Variants in TACC2 observed in about 807,000 individuals in gnomAD.
TACC2 encodes the protein transforming acidic coiled-coil containing protein 2, also known as transforming acidic coiled-coil-containing protein 2.
Under a neutral mutation model 227.3 loss-of-function variants are expected in TACC2, and 137 were observed. That is an observed-to-expected ratio of 0.60 (90% confidence interval 0.52 to 0.69). The LOEUF is 0.69. TACC2 is among the 30% of genes least tolerant of loss of function. The pLI, the probability that TACC2 is intolerant of heterozygous loss-of-function variation, is 0.00. For synonymous variants in TACC2, 1,523 were observed against 1,487.5 expected (o/e 1.02, Z -0.55); for missense variants, 3,470 against 3,694.4 (o/e 0.94, Z 1.57).
chr10:122,000,915 T>C (rs890586203), intron 1 of TACC2, among the ~76,000 whole-genome samples: 1 of 152,164 alleles, frequency 6.6e-6, no homozygotes, highest in Non-Finnish European at 1.5e-5. Context: ...CTCCACCTCC[T>C]GGGCTCAAGC....
At chr10:122,092,335 T>G (rs940458751) in intron 5 of TACC2, among the ~76,000 whole-genome samples, 26 of 152,220 alleles carry the variant, frequency 1.7e-4, no homozygotes, top group African/African-American at 5.8e-4. Context: ...AGTATCTTTG[T>G]GTACCATATT....
intron 5 of TACC2, among the ~76,000 whole-genome samples, chr10:122,092,063 G>GT (rs2080883074): frequency 6.6e-6 from 1 of 152,194 alleles, no homozygotes; most frequent in Non-Finnish European, 1.5e-5. Context: ...ATTCCCTGTT[G>GT]TTTTGTGATG....
At chr10:122,248,541 C>A in intron 19 of TACC2, 102 bp from the exon 20 acceptor site, 1 of 1,369,282 alleles carries the variant, frequency 7.3e-7, no homozygotes, top group Non-Finnish European at 1.0e-6. Flanking sequence ...TTGAGATGCC[C>A]CCACTGGTGA....
intron 5 of TACC2, among the ~76,000 whole-genome samples, chr10:122,091,262 A>AG (rs2080787373): frequency 6.6e-6 from 1 of 152,116 alleles, no homozygotes; most frequent in South Asian, 2.1e-4. Context: ...ATGAAAAAAA[A>AG]AGAAAATACA....
chr10:122,037,930 G>C (rs897041899), intron 2 of TACC2, among the ~76,000 whole-genome samples: 1 of 151,342 alleles, frequency 6.6e-6, no homozygotes, highest in East Asian at 1.9e-4. Context: ...TTGTTTGTTT[G>C]TTTGTTTGTT....
At chr10:122,059,358 C>A (rs1044132504) in intron 3 of TACC2, among the ~76,000 whole-genome samples, 1 of 151,986 alleles carries the variant, frequency 6.6e-6, no homozygotes, top group Non-Finnish European at 1.5e-5. Context: ...CCCCCCTCCC[C>A]CCTTGAAGAG....
Position 122,085,118 on chromosome 10 carries a change from C to T in TACC2, c.2618C>T (p.Ser873Phe). 1 of 1,614,160 alleles carries T rather than the reference C, an allele frequency of 6.2e-7. No homozygotes were observed. The highest frequency in any genetic ancestry group is 1.3e-5 in the African/African-American group (1 of 75,038). Reference sequence around the variant, plus strand: ...TTTAAGGACCAGGGAGCAGATTCTTCCCAAATCCATGTACCTGTGGAACCT... The same window carrying T: ...TTTAAGGACCAGGGAGCAGATTCTTTCCAAATCCATGTACCTGTGGAACCT... ...PGFKDQGADSSQIHVPVEPQE... is the reference protein window; with the variant it reads ...PGFKDQGADSFQIHVPVEPQE... The change falls in exon 4 of 23, where the codon TCC becomes TTC. Residue 873 changes from serine (S) to phenylalanine (F), a missense_variant. Around this residue, in one of 10 missense-constraint regions of TACC2, gnomAD observed 1,924 missense variants for 1,978.3 expected, o/e 0.97. Coordinates refer to ENST00000369005, the MANE Select transcript of TACC2 (RefSeq NM_206862.4).
At chr10:121,999,198 A>G (rs907585030) in intron 1 of TACC2, among the ~76,000 whole-genome samples, 1 of 151,970 alleles carries the variant, frequency 6.6e-6, no homozygotes, top group Non-Finnish European at 1.5e-5. Context: ...TAGTAGAGAC[A>G]GGGTTTCACC....
intron 2 of TACC2, among the ~76,000 whole-genome samples, chr10:122,049,949 C>T (rs1009455047): frequency 2.6e-5 from 4 of 152,066 alleles, no homozygotes; most frequent in Non-Finnish European, 5.9e-5. Flanking sequence ...GTGGTTGGGT[C>T]CAGATTTCTA....
chr10:122,216,133 G>C (rs1284417059), intron 10 of TACC2, among the ~76,000 whole-genome samples: 3 of 152,142 alleles, frequency 2.0e-5, no homozygotes, highest in Admixed American at 6.5e-5. Flanking sequence ...GGGGATAGGG[G>C]CTCAGGTCCC....
intron 7 of TACC2, among the ~76,000 whole-genome samples, chr10:122,172,702 T>C (rs933903479): frequency 6.6e-6 from 1 of 152,112 alleles, no homozygotes; most frequent in Non-Finnish European, 1.5e-5. Flanking sequence ...TTGCCTTTCA[T>C]GAATGGCCCT....
intron 2 of TACC2, among the ~76,000 whole-genome samples, chr10:122,049,957 C>A (rs1440429538): frequency 6.6e-6 from 1 of 152,132 alleles, no homozygotes; most frequent in East Asian, 1.9e-4. Flanking sequence ...GTCCAGATTT[C>A]TAAGCGTTCA....
At chr10:122,168,641 G>A (rs1223289557) in intron 7 of TACC2, among the ~76,000 whole-genome samples, 2 of 152,170 alleles carry the variant, frequency 1.3e-5, no homozygotes, top group African/African-American at 4.8e-5. Flanking sequence ...CTGGGACAGG[G>A]TACCCTGTCG....
chr10:122,237,298 C>CCATA lies in TACC2; in HGVS notation c.8128-94_8128-91dup, dbSNP rs2095875448. 6 of 1,207,934 alleles carry CCATA rather than the reference C, an allele frequency of 5.0e-6. No homozygotes were observed. In the East Asian group the frequency reaches 1.5e-4, roughly 31 times the overall value. The allele number at this position is 1,207,934 out of a possible 1,614,324, so 74.8% of individuals were successfully genotyped here. A position where few individuals can be genotyped will look rare whatever the true frequency, so the allele number is the denominator to read the frequency against. ...ACTTTTGATGTTCTTTGTTTCAAAA[C>CCATA]CATACAATTGGCCCATTCATGAGAG... On this transcript the variant is annotated intron_variant, in intron 16 of 22. Coordinates refer to ENST00000369005, the MANE Select transcript of TACC2 (RefSeq NM_206862.4).
rs144525982 is a variant in TACC2 at position 122,084,359 on chromosome 10, G to A, written c.1859G>A (p.Ser620Asn). The change falls in exon 4 of 23, where the codon AGT becomes AAT. Residue 620 changes from serine to asparagine, a missense_variant. Coordinates refer to ENST00000369005, the MANE Select transcript of TACC2 (RefSeq NM_206862.4). ...VGKDELSKPS[S>N]DAESRDHPSS... ...AAAGATGAGCTTTCAAAGCCAAGCAGTGATGCAGAGAGCAGAGACCATCCC... is the reference window on the plus strand; with the variant it reads ...AAAGATGAGCTTTCAAAGCCAAGCAATGATGCAGAGAGCAGAGACCATCCC... The A allele has an allele frequency of 2.6e-4, 422 of 1,613,616 alleles. 2 individuals are homozygous for A. The African/African-American group carries it at 5.1e-3, about 19-fold the overall frequency.
intron 1 of TACC2, among the ~76,000 whole-genome samples, chr10:122,004,376 C>T (rs190232176): frequency 4.8e-5 from 7 of 146,160 alleles, no homozygotes; most frequent in Middle Eastern, 3.6e-3. Flanking sequence ...CTAGCCTGGG[C>T]GACAGAGCGA....
intron 19 of TACC2, among the ~76,000 whole-genome samples, chr10:122,244,370 C>T (rs2096066443): frequency 6.6e-6 from 1 of 152,218 alleles, no homozygotes; most frequent in Non-Finnish European, 1.5e-5. Flanking sequence ...CGATCCCCAT[C>T]CTCATTCACC....
Position 122,083,589 on chromosome 10 carries a change from G to A in TACC2, c.1089G>A (p.Gly363=), listed in dbSNP as rs1226863673. The part of the protein sequence containing the change: ...PALVPEAGGS[G]KEALDTIDVQ... ...TGGTGCCAGAGGCTGGGGGCTCTGGGAAGGAGGCTCTGGACACCATTGATG... is the reference window on the plus strand; with the variant it reads ...TGGTGCCAGAGGCTGGGGGCTCTGGAAAGGAGGCTCTGGACACCATTGATG... The change falls in exon 4 of 23, where the codon GGG becomes GGA. Residue 363 remains glycine (G), a synonymous_variant. Coordinates refer to ENST00000369005, the MANE Select transcript of TACC2 (RefSeq NM_206862.4). 1.9e-6 allele frequency: 3 copies of A among 1,612,482 alleles called. No homozygotes were observed. Among genetic ancestry groups the A allele is most frequent in the Admixed American group, 1.7e-5 (1 of 60,002 alleles).
At chr10:122,112,316 A>T (rs4752647) in intron 5 of TACC2, among the ~76,000 whole-genome samples, 5,979 of 152,296 alleles carry the variant, frequency 0.039, 390 homozygotes, top group East Asian at 0.21. Flanking sequence ...GGAGTTAGTT[A>T]GGCCCTTAAA....
Sources: allele counts gnomAD v4.1 joint callset (sites outside exome capture counted in the v4.1 genomes callset), GRCh38; gene constraint gnomAD v4.1.1; regional missense constraint gnomAD v4.1.1; transcripts MANE v1.5; gene names NCBI Gene and HGNC (gene_info 2026-07-23, HGNC 2026-07-21).